POLD1: variants seen among roughly 807,000 people sequenced by gnomAD.
The protein encoded by POLD1 is DNA polymerase delta catalytic subunit.
In POLD1, 79 loss-of-function variants were observed where a neutral mutation model predicts 129.7. The observed-to-expected ratio is 0.61, with a 90% confidence interval of 0.51 to 0.73. The LOEUF is 0.73. Ranked by LOEUF, POLD1 falls within the 30% of genes least tolerant of loss-of-function variation. The probability of loss-of-function intolerance (pLI) is 0.00; values close to 1 mark genes in which losing one functional copy is unlikely to be tolerated. For synonymous variants in POLD1, 714 were observed against 683.3 expected, an observed-to-expected ratio of 1.04 and a Z score of -0.70; for missense variants, 1,338 against 1,595.8, an observed-to-expected ratio of 0.84 and a Z score of 2.75.
At position 50,413,387 on chromosome 19, in the gene POLD1, C is replaced by A. The variant is rs576610685; in HGVS notation, c.2155-39C>A. On this transcript the variant is annotated intron_variant, in intron 17 of 26. Coordinates refer to ENST00000440232, the MANE Select transcript of POLD1 (RefSeq NM_002691.4). The stretch of plus-strand genomic sequence containing the variant: ...GCCGGCCCACGTTCACTGCACATGG[C>A]CCCCAGGGCTTCACTCCGCATGATT... 6 of 1,555,286 alleles carry A rather than the reference C, an allele frequency of 3.9e-6. No individual in the cohort carries two copies. In the African/African-American group the frequency reaches 5.4e-5, roughly 14 times the overall value.
intron 3 of POLD1, 84 bp from the exon 4 acceptor site, chr19:50,401,694 G>A (rs2038636012): frequency 1.4e-6 from 2 of 1,479,228 alleles, no homozygotes; most frequent in African/African-American, 2.8e-5. Flanking sequence ...CAGGCTGCAG[G>A]CCCCAAGGTA....
At chr19:50,414,461 G>A (rs991670323) in intron 19 of POLD1, among the ~76,000 whole-genome samples, 5 of 152,228 alleles carry the variant, frequency 3.3e-5, no homozygotes, top group African/African-American at 9.6e-5. Flanking sequence ...TTGGAGCCTC[G>A]CAGAGTGGGG....
At position 50,415,499 on chromosome 19, in the gene POLD1, A is replaced by G. The variant is rs1354252782; in HGVS notation, c.2626A>G (p.Ile876Val). 5.0e-6 allele frequency: 8 copies of G among 1,613,308 alleles called. No individual in the cohort carries two copies. Among genetic ancestry groups the G allele is most frequent in the African/African-American group, 1.3e-5 (1 of 74,940 alleles). ...DVISDLLCNR[I>V]DISQLVITKE... is the part of the protein sequence containing the mutation. ...CATCTCGGACCTGCTGTGCAACCGC[A>G]TCGATATCTCCCAGCTGGTCATCAC... Residue 876 changes from isoleucine (I) to valine (V), a missense_variant, in exon 21 of 27, where the codon ATC becomes GTC. Coordinates refer to ENST00000440232, the MANE Select transcript of POLD1 (RefSeq NM_002691.4).
chr19:50,412,767 T>C (rs2039131862), intron 17 of POLD1, among the ~76,000 whole-genome samples: 1 of 141,568 alleles, frequency 7.1e-6, no homozygotes, highest in South Asian at 2.1e-4. Context: ...TTTAGTTTTG[T>C]GTGTGTGTGT....
chr19:50,399,308 T>A lies in POLD1; in HGVS notation c.203-63T>A. On this transcript the variant is annotated intron_variant, in intron 2 of 26. Transcript: ENST00000440232. ...CTGCCTGGCTCCTTTCAGAACCACATGCCATCCTGGCCGGGGAAGACCATG... is the reference window on the plus strand; with the variant it reads ...CTGCCTGGCTCCTTTCAGAACCACAAGCCATCCTGGCCGGGGAAGACCATG... 4 of 1,386,192 alleles carry A rather than the reference T, an allele frequency of 2.9e-6. No homozygotes were observed. In the South Asian group the frequency reaches 4.7e-5, roughly 16 times the overall value. The allele number at this position is 1,386,192 out of a possible 1,614,324, so 85.9% of individuals were successfully genotyped here. A position where few individuals can be genotyped will look rare whatever the true frequency, so the allele number is the denominator to read the frequency against.
rs1274385206 is a variant in POLD1 at position 50,409,847 on chromosome 19, A to G, written c.2154+181A>G. On this transcript the variant is annotated intron_variant, in intron 17 of 26. Coordinates refer to ENST00000440232, the MANE Select transcript of POLD1 (RefSeq NM_002691.4). The surrounding 1 kb of genome is among the most constrained non-coding windows in gnomAD (Gnocchi z 5.8). ...CCATTCCTTCACTCAGCAAATGCCT[A>G]CTGAGCACACACTGTGGTCAGGGCT... Among the ~76,000 whole-genome samples the G allele has an allele frequency of 2.0e-5, 3 of 152,232 alleles. No homozygotes were observed. Among genetic ancestry groups the G allele is most frequent in the African/African-American group, 7.2e-5 (3 of 41,466 alleles).
At chr19:50,387,218 G>A (rs1221010490) in intron 1 of POLD1, among the ~76,000 whole-genome samples, 1 of 152,196 alleles carries the variant, frequency 6.6e-6, no homozygotes, top group Non-Finnish European at 1.5e-5. Context: ...CTGCGAGGCT[G>A]AGGCAGGAGA....
intron 10 of POLD1, 34 bp downstream of exon 10, chr19:50,403,631 A>C: frequency 7.1e-7 from 1 of 1,401,780 alleles, no homozygotes; most frequent in South Asian, 1.2e-5. Flanking sequence ...CTTCTCTCAG[A>C]TGCCCCAGGT....
chr19:50,398,848 C>A lies in POLD1; in HGVS notation c.-1-3C>A. On this transcript the variant is annotated splice_polypyrimidine_tract_variant and splice_region_variant and intron_variant, in intron 1 of 26. Coordinates refer to ENST00000440232, the MANE Select transcript of POLD1 (RefSeq NM_002691.4). ...CTCCACCAAGCTCCAACTTGCCCAG[C>A]AGGATGGATGGCAAGCGGCGGCCAG... 6.2e-7 allele frequency: 1 copy of A among 1,608,120 alleles called. No individual in the cohort carries two copies. Among genetic ancestry groups the A allele is most frequent in the Non-Finnish European group, 8.5e-7 (1 of 1,178,710 alleles).
intron 17 of POLD1, among the ~76,000 whole-genome samples, chr19:50,411,733 G>A (rs1210492959): frequency 5.3e-5 from 8 of 151,994 alleles, no homozygotes; most frequent in African/African-American, 9.7e-5. Context: ...CCAGCTACTC[G>A]GGAGGCTGAG....
chr19:50,386,292 C>A (rs182855327), intron 1 of POLD1, among the ~76,000 whole-genome samples: 224 of 152,198 alleles, frequency 1.5e-3, no homozygotes, highest in African/African-American at 5.2e-3. Context: ...TGTGTGCCAC[C>A]ACGCCCAGCT....
In POLD1 at chr19:50,406,199, C is replaced by T. The variant is rs1601215186; in HGVS notation, c.1260C>T (p.Phe420=). ...AQTLKVQTFP[F]LGRVAGLCSN... is the part of the protein sequence containing the mutation. Reference sequence around the variant, plus strand: ...CTCCTCAGGTACAAACATTCCCTTTCCTGGGCCGTGTGGCCGGCCTTTGCT... The same window carrying T: ...CTCCTCAGGTACAAACATTCCCTTTTCTGGGCCGTGTGGCCGGCCTTTGCT... Residue 420 remains phenylalanine, a synonymous_variant, in exon 11 of 27, where the codon TTC becomes TTT. Coordinates refer to ENST00000440232, the MANE Select transcript of POLD1 (RefSeq NM_002691.4). The surrounding 1 kb of genome is among the most constrained non-coding windows in gnomAD (Gnocchi z 5.5). The T allele has an allele frequency of 2.5e-6, 4 of 1,613,858 alleles. No homozygotes were observed. Among genetic ancestry groups the T allele is most frequent in the Non-Finnish European group, 2.5e-6 (3 of 1,179,868 alleles).
intron 1 of POLD1, among the ~76,000 whole-genome samples, chr19:50,396,940 C>T (rs1475310607): frequency 7.0e-6 from 1 of 142,274 alleles, no homozygotes; most frequent in Admixed American, 7.1e-5. Context: ...TACTAAAATA[C>T]AAAAATTAGC....
chr19:50,403,330 G>T (rs1397827988), intron 9 of POLD1, 111 bp downstream of exon 9: 13 of 1,217,578 alleles, frequency 1.1e-5, no homozygotes, highest in Admixed American at 2.2e-5. Context: ...GTCTGGGTGG[G>T]TGTCTGTGGG....
intron 3 of POLD1, among the ~76,000 whole-genome samples, chr19:50,400,522 A>ATTTTTTTTTTT (rs1016107364): frequency 4.7e-5 from 3 of 63,522 alleles, no homozygotes; most frequent in African/African-American, 2.5e-4. Context: ...TGCCCCGCCT[A>ATTTTTTTTTTT]TTTTTTTTTT....
rs2039033230 is a variant in POLD1, at chr19:50,409,900, G to A, written c.2154+234G>A. Among the ~76,000 whole-genome samples, 1 of 152,252 alleles carries A rather than the reference G, an allele frequency of 6.6e-6. No homozygotes were observed. Among genetic ancestry groups the A allele is most frequent in the Non-Finnish European group, 1.5e-5 (1 of 68,048 alleles). The stretch of plus-strand genomic sequence containing the variant: ...CTCTGTGCCCTGGGGATACAGAGGG[G>A]AACAAAATGGATGAGAGCTCCTGTC... On this transcript the variant is annotated intron_variant, in intron 17 of 26. Coordinates refer to ENST00000440232, the MANE Select transcript of POLD1 (RefSeq NM_002691.4). The surrounding 1 kb of genome is among the most constrained non-coding windows in gnomAD (Gnocchi z 5.8).
intron 26 of POLD1, among the ~76,000 whole-genome samples, 183 bp downstream of exon 26, chr19:50,417,452 C>G (rs540119238): frequency 5.0e-4 from 76 of 152,306 alleles, no homozygotes; most frequent in African/African-American, 1.8e-3. Flanking sequence ...TCCCAGCCCC[C>G]CAGAGGGGGT....
chr19:50,386,778 G>A (rs1196837124), intron 1 of POLD1, among the ~76,000 whole-genome samples: 2 of 152,214 alleles, frequency 1.3e-5, no homozygotes, highest in Non-Finnish European at 2.9e-5. Flanking sequence ...TGGCTGGTAA[G>A]GGAGGAAGAC....
chr19:50,415,617 C>G, intron 21 of POLD1, 27 bp downstream of exon 21: 1 of 1,604,356 alleles, frequency 6.2e-7, no homozygotes, highest in East Asian at 2.2e-5. Context: ...GTGGCCTGGC[C>G]AGAAATAACC....
Sources: gnomAD v4.1 joint callset for allele counts (sites outside exome capture counted in the v4.1 genomes callset) on GRCh38, gnomAD v4.1.1 for gene constraint, Gnocchi (gnomAD v3.1) non-coding constraint, MANE v1.5 for transcripts, NCBI Gene and HGNC (gene_info 2026-07-23, HGNC 2026-07-21) for gene names.